SPIRE1: variants seen among roughly 807,000 people sequenced by gnomAD.
The protein encoded by SPIRE1 is protein spire homolog 1.
A neutral mutation model predicts 94.1 loss-of-function variants in SPIRE1; 40 were observed. That is an observed-to-expected ratio of 0.43 (90% CI 0.33 to 0.55). SPIRE1 has a LOEUF of 0.55. SPIRE1 is among the 20% of genes least tolerant of loss of function. The pLI, the probability that SPIRE1 is intolerant of heterozygous loss-of-function variation, is 0.06. For missense variants in SPIRE1, 838 were observed against 975.2 expected, an observed-to-expected ratio of 0.86 and a Z score of 1.87; for synonymous variants, 376 against 371.7, an observed-to-expected ratio of 1.01 and a Z score of -0.13.
At chr18:12,569,178 A>C (rs568867526) in intron 2 of SPIRE1, among the ~76,000 whole-genome samples, 1 of 152,112 alleles carries the variant, frequency 6.6e-6, no homozygotes, top group African/African-American at 2.4e-5. Context: ...GTCTCTACTA[A>C]AAATATACAA....
chr18:12,464,338 A>G (rs1401748881), intron 11 of SPIRE1, among the ~76,000 whole-genome samples: 1 of 152,192 alleles, frequency 6.6e-6, no homozygotes, highest in Non-Finnish European at 1.5e-5. Context: ...TGTGTATGAG[A>G]AATCAAGCCA....
At chr18:12,535,239 T>C (rs2034801151) in intron 4 of SPIRE1, among the ~76,000 whole-genome samples, 1 of 152,226 alleles carries the variant, frequency 6.6e-6, no homozygotes, top group Admixed American at 6.5e-5. Context: ...TTGCAAGGAA[T>C]CTGTATGAAA....
In SPIRE1 at chr18:12,463,363, A is replaced by C; in HGVS notation, c.1626T>G (p.Ser542Arg). The C allele has an allele frequency of 6.2e-7, 1 of 1,612,916 alleles. No individual in the cohort carries two copies. Among genetic ancestry groups the C allele is most frequent in the African/African-American group, 1.3e-5 (1 of 75,006 alleles). ...VRQFLPPSRQ[S>R]SRSLEEFCYP... ...TTCCTGTACTTACAAGAGAGCGGGA[A>C]CTCTGCCTGGAAGGCGGCAGGAACT... is the stretch of plus-strand genomic sequence containing the variant. The change falls in exon 12 of 17, where the codon AGT becomes AGG. Residue 542 changes from serine (S) to arginine (R), a missense_variant. Physicochemically the swap from Ser to Arg is moderately radical, Grantham distance 110. Around this residue, in one of 2 missense-constraint regions of SPIRE1, gnomAD observed 645 missense variants for 804.7 expected, o/e 0.80. Transcript: ENST00000409402.
At chr18:12,610,954 C>G (rs1016227063) in intron 2 of SPIRE1, among the ~76,000 whole-genome samples, 3 of 152,120 alleles carry the variant, frequency 2.0e-5, no homozygotes, top group African/African-American at 7.2e-5. Context: ...GTGGACTACC[C>G]TCATCCTGTG....
At chr18:12,587,850 C>T (rs1020957304) in intron 2 of SPIRE1, among the ~76,000 whole-genome samples, 2 of 152,190 alleles carry the variant, frequency 1.3e-5, no homozygotes, top group African/African-American at 2.4e-5. Context: ...AATCACCATA[C>T]AATGCACCCA....
chr18:12,530,124 C>T (rs2034642752), intron 4 of SPIRE1, among the ~76,000 whole-genome samples: 1 of 152,104 alleles, frequency 6.6e-6, no homozygotes, highest in Non-Finnish European at 1.5e-5. Flanking sequence ...CATTGAACTG[C>T]TTTTCTGTAA....
At chr18:12,574,530 C>T (rs2036041725) in intron 2 of SPIRE1, among the ~76,000 whole-genome samples, 1 of 152,126 alleles carries the variant, frequency 6.6e-6, no homozygotes, top group South Asian at 2.1e-4. Flanking sequence ...ATATGGAAAA[C>T]TGGAGGAAAA....
chr18:12,494,604 C>T (rs1215312204), intron 7 of SPIRE1, among the ~76,000 whole-genome samples: 19 of 151,200 alleles, frequency 1.3e-4, no homozygotes, highest in Admixed American at 2.0e-4. Flanking sequence ...CCGAGGTGGG[C>T]GGATCACGAG....
At chr18:12,584,457 A>C (rs1434096763) in intron 2 of SPIRE1, among the ~76,000 whole-genome samples, 2 of 152,174 alleles carry the variant, frequency 1.3e-5, no homozygotes, top group Non-Finnish European at 2.9e-5. Flanking sequence ...AATGAATTTA[A>C]GAAAAACAGT....
chr18:12,657,664 G>T lies in SPIRE1; in HGVS notation c.203C>A (p.Ser68Tyr), dbSNP rs910125954. 1.5e-6 allele frequency: 2 copies of T among 1,335,246 alleles called. No individual in the cohort carries two copies. Among genetic ancestry groups the T allele is most frequent in the Middle Eastern group, 2.7e-4 (1 of 3,712 alleles). The allele number at this position is 1,335,246 out of a possible 1,614,324, so 82.7% of individuals were successfully genotyped here. A position where few individuals can be genotyped will look rare whatever the true frequency, so the allele number is the denominator to read the frequency against. The change falls in exon 1 of 17, where the codon TCC becomes TAC. Residue 68 changes from serine (S) to tyrosine (Y), a missense_variant. Ser to Tyr is a moderately radical substitution (Grantham distance 144). Coordinates refer to ENST00000409402, the MANE Select transcript of SPIRE1 (RefSeq NM_001128626.2). ...GCGGCGGCGGGCGGCGGCGCGCAGG[G>T]AACCGCAGCACTGGTAGCACACGGC... ...AWAVCYQCCG[S>Y]LRAAARRRQP...
chr18:12,617,148 C>G (rs960001867), intron 2 of SPIRE1, among the ~76,000 whole-genome samples: 2 of 128,612 alleles, frequency 1.6e-5, no homozygotes, highest in Admixed American at 1.7e-4. Flanking sequence ...GCATGAGCAA[C>G]CATGCTCACT....
At chr18:12,530,800 T>C (rs1050013354) in intron 4 of SPIRE1, among the ~76,000 whole-genome samples, 1 of 152,174 alleles carries the variant, frequency 6.6e-6, no homozygotes, top group African/African-American at 2.4e-5. Flanking sequence ...AAAGAAAGCT[T>C]TCAAAAAATT....
At chr18:12,608,589 G>C (rs916520854) in intron 2 of SPIRE1, among the ~76,000 whole-genome samples, 4 of 152,074 alleles carry the variant, frequency 2.6e-5, no homozygotes, top group Non-Finnish European at 4.4e-5. Flanking sequence ...CATGCTCTTA[G>C]ATGTGTGATA....
At chr18:12,600,618 C>CAA (rs2036805906) in intron 2 of SPIRE1, among the ~76,000 whole-genome samples, 1 of 152,194 alleles carries the variant, frequency 6.6e-6, no homozygotes, top group Admixed American at 6.5e-5. Flanking sequence ...TGAGTTGGCA[C>CAA]TGTAAGGAAG....
At chr18:12,650,787 G>A (rs192212137) in intron 1 of SPIRE1, among the ~76,000 whole-genome samples, 3 of 151,242 alleles carry the variant, frequency 2.0e-5, no homozygotes, top group African/African-American at 7.3e-5. Flanking sequence ...GCTGAGGTGG[G>A]AGGATTGCTT....
intron 8 of SPIRE1, among the ~76,000 whole-genome samples, chr18:12,489,303 A>G (rs1393855719): frequency 6.6e-6 from 1 of 152,174 alleles, no homozygotes; most frequent in African/African-American, 2.4e-5. Flanking sequence ...CTCCTATATT[A>G]CCTACTCTAG....
At position 12,449,314 on chromosome 18, in the gene SPIRE1, C is replaced by G. The variant is rs778301721; in HGVS notation, c.*324G>C. 4 of 259,944 alleles carry G rather than the reference C, an allele frequency of 1.5e-5. No homozygotes were observed. Among genetic ancestry groups the G allele is most frequent in the African/African-American group, 2.3e-5 (1 of 43,874 alleles). The allele number at this position is 259,944 out of a possible 1,614,324, so 16.1% of individuals were successfully genotyped here. ...TCGTAGGAGAAGCTTTTTTTTTTTGCCTTAGTCAGGAGATTATTCGAGGAA... is the reference window on the plus strand; with the variant it reads ...TCGTAGGAGAAGCTTTTTTTTTTTGGCTTAGTCAGGAGATTATTCGAGGAA... On this transcript the variant is annotated 3_prime_UTR_variant, in exon 17 of 17. Coordinates refer to ENST00000409402, the MANE Select transcript of SPIRE1 (RefSeq NM_001128626.2).
intron 2 of SPIRE1, among the ~76,000 whole-genome samples, chr18:12,625,332 T>C (rs1377831903): frequency 2.0e-5 from 3 of 152,204 alleles, no homozygotes; most frequent in African/African-American, 2.4e-5. Flanking sequence ...AGACAGAAAG[T>C]AGAATGCAAG....
chr18:12,507,539 A>AAATTC (rs1457560165), intron 5 of SPIRE1, among the ~76,000 whole-genome samples: 1 of 151,930 alleles, frequency 6.6e-6, no homozygotes, highest in Non-Finnish European at 1.5e-5. Flanking sequence ...TCTCTACTAA[A>AAATTC]AATTCAAAAA....
Sources: gnomAD v4.1 joint callset for allele counts (sites outside exome capture counted in the v4.1 genomes callset) on GRCh38, gnomAD v4.1.1 for gene constraint, gnomAD v4.1.1 regional missense constraint, MANE v1.5 for transcripts, NCBI Gene and HGNC (gene_info 2026-07-23, HGNC 2026-07-21) for gene names.